DLG2: variants seen among roughly 807,000 people sequenced by gnomAD.
DLG2 encodes discs large MAGUK scaffold protein 2.
Under a neutral mutation model 132.5 loss-of-function variants are expected in DLG2, and 45 were observed. The observed-to-expected ratio is 0.34, with a 90% CI of 0.27 to 0.44. The LOEUF is 0.44. Among genes scored for constraint, DLG2 ranks in the 20% least tolerant of loss-of-function variants. DLG2 has a pLI of 1.00. For missense variants in DLG2, 1,045 were observed against 1,196.9 expected, an observed-to-expected ratio of 0.87 and a Z score of 1.87; for synonymous variants, 424 against 419.6, an observed-to-expected ratio of 1.01 and a Z score of -0.13.
chr11:84,946,315 G>A (rs2050190903), intron 6 of DLG2, among the ~76,000 whole-genome samples: 1 of 152,056 alleles, frequency 6.6e-6, no homozygotes, highest in African/African-American at 2.4e-5. Flanking sequence ...AGCTGGGGAT[G>A]CTCTGGGTCA....
chr11:84,406,812 AGT>A (rs2098853237), intron 7 of DLG2, among the ~76,000 whole-genome samples: 1 of 152,216 alleles, frequency 6.6e-6, no homozygotes, highest in Non-Finnish European at 1.5e-5. Flanking sequence ...ATCCTTCCAG[AGT>A]ACATTCCTTA....
intron 3 of DLG2, among the ~76,000 whole-genome samples, chr11:85,364,454 T>G (rs2084385663): frequency 6.6e-6 from 1 of 152,122 alleles, no homozygotes; most frequent in Non-Finnish European, 1.5e-5. Flanking sequence ...TTCGTCACTG[T>G]GGGTGACAGA....
intron 6 of DLG2, among the ~76,000 whole-genome samples, chr11:84,708,002 G>GCCAC (rs1406913326): frequency 6.6e-6 from 1 of 151,746 alleles, no homozygotes; most frequent in Non-Finnish European, 1.5e-5. Context: ...AAACCCAAGT[G>GCCAC]CCACGACTTT....
At chr11:83,876,547 C>G (rs10501551) in intron 15 of DLG2, among the ~76,000 whole-genome samples, 124,418 of 152,126 alleles carry the variant, frequency 0.82, 51,484 homozygotes, top group African/African-American at 0.95. Flanking sequence ...TTCACCTATA[C>G]TCCTATTACC....
In DLG2 at chr11:84,315,089, G is replaced by A. The variant is rs199604701; in HGVS notation, c.520-63798C>T. ...AGAAATGCTTATGCAAAAGAATAAG[G>A]AGAGATGGTGGCTACCTCAATTTGT... On this transcript the variant is annotated intron_variant, in intron 7 of 27. Coordinates refer to ENST00000376104, the MANE Select transcript of DLG2 (RefSeq NM_001142699.3). 5.3e-5 allele frequency among the ~76,000 whole-genome samples: 8 copies of A among 152,210 alleles called. No individual in the cohort carries two copies. In the East Asian group the frequency reaches 1.3e-3, roughly 26 times the overall value.
intron 3 of DLG2, among the ~76,000 whole-genome samples, chr11:85,508,750 T>C (rs1387064299): frequency 6.6e-6 from 1 of 152,090 alleles, no homozygotes; most frequent in Non-Finnish European, 1.5e-5. Flanking sequence ...ATTTTCCAAA[T>C]GTTCTACTTT....
Position 84,068,806 on chromosome 11 carries a change from T to C in DLG2, c.750-9322A>G, listed in dbSNP as rs184510110. 2.1e-4 allele frequency among the ~76,000 whole-genome samples: 32 copies of C among 152,296 alleles called. No individual in the cohort carries two copies. The East Asian group carries it at 6.0e-3, about 28-fold the overall frequency. On this transcript the variant is annotated intron_variant, in intron 10 of 27. Transcript: ENST00000376104. ...ATACTATGTTATATAGTCTTTAATG[T>C]AAATAGAAACACTGAAAAGTAGATA...
chr11:83,637,016 T>C (rs978385229), intron 18 of DLG2, among the ~76,000 whole-genome samples: 1 of 152,156 alleles, frequency 6.6e-6, no homozygotes, highest in South Asian at 2.1e-4. Flanking sequence ...TCTGGGTTTA[T>C]AAATATAAAT....
At chr11:83,587,270 CT>C (rs1054678122) in intron 19 of DLG2, among the ~76,000 whole-genome samples, 374 of 144,676 alleles carry the variant, frequency 2.6e-3, no homozygotes, top group Middle Eastern at 6.9e-3. Flanking sequence ...GAATTTGCTA[CT>C]TTTTTTTTTT....
At chr11:84,117,261 C>G (rs1304075177) in intron 9 of DLG2, among the ~76,000 whole-genome samples, 3 of 152,166 alleles carry the variant, frequency 2.0e-5, no homozygotes, top group Non-Finnish European at 4.4e-5. Context: ...GCCTTATTTT[C>G]TAGCCTGCTT....
intron 6 of DLG2, among the ~76,000 whole-genome samples, chr11:84,802,903 G>C (rs1041255070): frequency 3.9e-5 from 6 of 151,914 alleles, no homozygotes; most frequent in African/African-American, 1.5e-4. Flanking sequence ...GGGTTCAAGC[G>C]ATTCTCCTCC....
intron 6 of DLG2, among the ~76,000 whole-genome samples, chr11:84,558,925 G>A (rs1385094430): frequency 6.6e-6 from 1 of 152,042 alleles, no homozygotes; most frequent in East Asian, 1.9e-4. Context: ...ATTCTCCTAA[G>A]CCCCTCAAAA....
intron 6 of DLG2, among the ~76,000 whole-genome samples, chr11:84,859,712 C>G (rs539669760): frequency 6.6e-6 from 1 of 151,834 alleles, no homozygotes; most frequent in South Asian, 2.1e-4. Context: ...CTTCTATAAA[C>G]TGTGACACTT....
Position 85,165,124 on chromosome 11 carries a change from G to A in DLG2, c.187-10473C>T, listed in dbSNP as rs569315807. Reference sequence around the variant, plus strand: ...TTAGCAAGGTATAAGACACATTTACGAAGAGATAGATGATTCTCGGCACAA... The same window carrying A: ...TTAGCAAGGTATAAGACACATTTACAAAGAGATAGATGATTCTCGGCACAA... On this transcript the variant is annotated intron_variant, in intron 4 of 27. Coordinates refer to ENST00000376104, the MANE Select transcript of DLG2 (RefSeq NM_001142699.3). 6.6e-5 allele frequency among the ~76,000 whole-genome samples: 10 copies of A among 152,264 alleles called. No homozygotes were observed. In the East Asian group the frequency reaches 7.7e-4, roughly 12 times the overall value.
chr11:83,630,342 T>C (rs1170565474), intron 19 of DLG2, among the ~76,000 whole-genome samples: 2 of 151,576 alleles, frequency 1.3e-5, no homozygotes, highest in Admixed American at 6.6e-5. Flanking sequence ...TGAGCATGCG[T>C]GTGTGTGTGT....
At chr11:85,233,158 C>T (rs1200096334) in intron 4 of DLG2, among the ~76,000 whole-genome samples, 1 of 151,798 alleles carries the variant, frequency 6.6e-6, no homozygotes, top group Non-Finnish European at 1.5e-5. Flanking sequence ...TTTGTTCTGA[C>T]ATATGGGTGA....
At chr11:85,429,210 C>A (rs986871693) in intron 3 of DLG2, among the ~76,000 whole-genome samples, 1 of 152,166 alleles carries the variant, frequency 6.6e-6, no homozygotes, top group Admixed American at 6.5e-5. Context: ...CAAGGAGGAG[C>A]TGGTACCATT....
chr11:83,670,185 G>C (rs1417146122), intron 18 of DLG2, among the ~76,000 whole-genome samples: 2 of 152,130 alleles, frequency 1.3e-5, no homozygotes, highest in Non-Finnish European at 2.9e-5. Flanking sequence ...CAAGAGTCTT[G>C]CCAAACTCTG....
At chr11:85,266,456 T>A (rs2077217826) in intron 4 of DLG2, among the ~76,000 whole-genome samples, 1 of 151,976 alleles carries the variant, frequency 6.6e-6, no homozygotes, top group Non-Finnish European at 1.5e-5. Context: ...GTAGGGCCTG[T>A]TGGGGGATGG....
Sources: gnomAD v4.1 joint callset for allele counts (sites outside exome capture counted in the v4.1 genomes callset) on GRCh38, gnomAD v4.1.1 for gene constraint, MANE v1.5 for transcripts, NCBI Gene and HGNC (gene_info 2026-07-23, HGNC 2026-07-21) for gene names.